NOMO1: variants seen among roughly 807,000 people sequenced by gnomAD.
The protein encoded by NOMO1 is NODAL modulator 1, also known as nodal modulator 3.
A neutral mutation model predicts 133.8 loss-of-function variants in NOMO1; 40 were observed. The ratio of observed to expected loss-of-function variants is 0.30; its 90% confidence interval spans 0.23 to 0.39. The LOEUF (loss-of-function observed/expected upper bound fraction) is 0.39, where lower values mean the gene tolerates loss of function less well. Among genes scored for constraint, NOMO1 ranks in the 10% least tolerant of loss-of-function variants. The pLI, the probability that NOMO1 is intolerant of heterozygous loss-of-function variation, is 1.00. For missense variants in NOMO1, 462 were observed against 1,419.9 expected, an observed-to-expected ratio of 0.33 and a Z score of 10.84; for synonymous variants, 236 against 570.5, an observed-to-expected ratio of 0.41 and a Z score of 8.36.
intron 27 of NOMO1, among the ~76,000 whole-genome samples, chr16:14,886,234 T>A (rs1028289680): frequency 5.3e-4 from 79 of 148,050 alleles, no homozygotes; most frequent in Non-Finnish European, 3.4e-4. Flanking sequence ...GTTTAACAGA[T>A]TGGTGGAGTT....
chr16:14,868,660 C>T (rs755408177), intron 16 of NOMO1, 25 bp downstream of exon 16: 7 of 1,479,968 alleles, frequency 4.7e-6, no homozygotes, highest in African/African-American at 1.5e-5. Flanking sequence ...ATTGATGTGC[C>T]ATGAATTAGA....
intron 29 of NOMO1, among the ~76,000 whole-genome samples, chr16:14,894,353 A>G (rs1964449235): frequency 6.6e-6 from 1 of 152,088 alleles, no homozygotes; most frequent in Non-Finnish European, 1.5e-5. Flanking sequence ...TGTGGCACTT[A>G]CCGCTTCTGT....
chr16:14,865,988 C>T (rs1963989111), intron 14 of NOMO1, among the ~76,000 whole-genome samples: 2 of 137,392 alleles, frequency 1.5e-5, no homozygotes, highest in Admixed American at 1.5e-4. Context: ...CCCTGAATAC[C>T]TTACTTGCAG....
rs1168817531 is a variant in NOMO1, at chr16:14,866,583, G to C, written c.1698G>C (p.Trp566Cys). 1 of 1,610,176 alleles carries C rather than the reference G, an allele frequency of 6.2e-7. No homozygotes were observed. Among genetic ancestry groups the C allele is most frequent in the Admixed American group, 1.7e-5 (1 of 59,944 alleles). ...GCATCATGCATGAGGATTGGTGCTGGAAGAACAAGAGCCTGGAGGTGGAAG... is the reference window on the plus strand; with the variant it reads ...GCATCATGCATGAGGATTGGTGCTGCAAGAACAAGAGCCTGGAGGTGGAAG... ...KISIMHEDWC[W>C]KNKSLEVEVL... is the part of the protein sequence containing the mutation. Residue 566 changes from tryptophan (W) to cysteine (C), a missense_variant, in exon 15 of 31, where the codon TGG becomes TGC. Physicochemically the swap from Trp to Cys is radical, Grantham distance 215. Transcript: ENST00000287667.
intron 6 of NOMO1, among the ~76,000 whole-genome samples, chr16:14,852,073 AG>A (rs1354270003): frequency 7.0e-6 from 1 of 142,174 alleles, no homozygotes; most frequent in Admixed American, 7.1e-5. Flanking sequence ...GGATCACCTG[AG>A]GTCAGGAGTT....
intron 9 of NOMO1, among the ~76,000 whole-genome samples, chr16:14,856,257 T>A (rs976933641): frequency 2.2e-4 from 33 of 151,906 alleles, no homozygotes; most frequent in African/African-American, 5.6e-4. Flanking sequence ...GGGTTAGCAG[T>A]GGTGACCTTG....
chr16:14,871,582 G>T, intron 16 of NOMO1, 39 bp from the exon 17 acceptor site: 1 of 1,611,104 alleles, frequency 6.2e-7, no homozygotes, highest in Non-Finnish European at 8.5e-7. Flanking sequence ...TGTAATAGAT[G>T]CCATTCTCTG....
intron 22 of NOMO1, among the ~76,000 whole-genome samples, chr16:14,878,383 C>A (rs986364475): frequency 8.1e-6 from 1 of 123,086 alleles, no homozygotes; most frequent in African/African-American, 3.2e-5. Context: ...AGTCCCATCT[C>A]CTCAGGAGGT....
intron 28 of NOMO1, among the ~76,000 whole-genome samples, chr16:14,887,892 G>C (rs2151011755): frequency 6.6e-6 from 1 of 151,002 alleles, no homozygotes; most frequent in East Asian, 2.0e-4. Context: ...CTCTGTCTTT[G>C]ATAATCTGAT....
chr16:14,884,523 T>C, intron 27 of NOMO1, 41 bp downstream of exon 27: 8 of 1,611,272 alleles, frequency 5.0e-6, no homozygotes, highest in Non-Finnish European at 6.8e-6. Context: ...GTGTTCCCTT[T>C]GGCTTTGAGA....
In NOMO1 at chr16:14,844,116, ACATGGCTGAGCT is replaced by A. The variant is rs1376998223; in HGVS notation, c.302-553_302-542del. Among the ~76,000 whole-genome samples the A allele has an allele frequency of 5.1e-4, 77 of 150,508 alleles. 2 individuals are homozygous for A. Among genetic ancestry groups the A allele is most frequent in the African/African-American group, 1.9e-3 (77 of 40,700 alleles). On this transcript the variant is annotated intron_variant, in intron 3 of 30. Transcript: ENST00000287667. ...CCCTGGAGTTTGTGTTCCTGGTTTA[ACATGGCTGAGCT>A]CATGTCCTTGGTCAGAGAACAGATC...
chr16:14,861,710 T>C (rs1963924592), intron 11 of NOMO1, among the ~76,000 whole-genome samples: 1 of 151,224 alleles, frequency 6.6e-6, no homozygotes, highest in African/African-American at 2.4e-5. Context: ...AGCCATACGG[T>C]CTCTAGGACA....
Position 14,846,621 on chromosome 16 carries a change from G to A in NOMO1, c.447G>A (p.Val149=). 7.5e-7 allele frequency: 1 copy of A among 1,341,580 alleles called. No individual in the cohort carries two copies. The highest frequency in any genetic ancestry group is 1.0e-6 in the Non-Finnish European group (1 of 964,384). 83.1% of individuals were successfully genotyped at this position (1,341,580 alleles called of 1,614,324 possible). ...GQPLGPAGVQ[V]SLRNTGTEAK... ...CCCTGGGTCCTGCGGGAGTTCAGGT[G>A]TCTCTGAGAAACACTGGGACCGAAG... Residue 149 remains valine (V), a synonymous_variant, in exon 5 of 31, where the codon GTG becomes GTA. Transcript: ENST00000287667.
Position 14,833,878 on chromosome 16 carries a change from G to C in NOMO1, c.27G>C (p.Pro9=). The C allele has an allele frequency of 1.2e-6, 1 of 866,342 alleles. No individual in the cohort carries two copies. The highest frequency in any genetic ancestry group is 1.5e-6 in the Non-Finnish European group (1 of 654,964). The allele number at this position is 866,342 out of a possible 1,614,324, so 53.7% of individuals were successfully genotyped here. Residue 9 remains proline (P), a synonymous_variant, in exon 1 of 31, where the codon CCG becomes CCC. Coordinates refer to ENST00000287667, the MANE Select transcript of NOMO1 (RefSeq NM_014287.4). ...TGCTGGTGGGCCAGGGCGCGGGGCCGCTGGGGCCCGCGGTGGTCACCGCCG... is the reference window on the plus strand; with the variant it reads ...TGCTGGTGGGCCAGGGCGCGGGGCCCCTGGGGCCCGCGGTGGTCACCGCCG... MLVGQGAG[P]LGPAVVTAAV...
rs765432778 is a variant in NOMO1 at position 14,878,785 on chromosome 16, G to T, written c.2708G>T (p.Arg903Leu). The T allele has an allele frequency of 2.5e-6, 4 of 1,611,814 alleles. No homozygotes were observed. Among genetic ancestry groups the T allele is most frequent in the African/African-American group, 2.7e-5 (2 of 74,844 alleles). The change falls in exon 23 of 31, where the codon CGT becomes CTT. Residue 903 changes from arginine to leucine, a missense_variant. Arg to Leu is a moderately radical substitution (Grantham distance 102). Coordinates refer to ENST00000287667, the MANE Select transcript of NOMO1 (RefSeq NM_014287.4). ...TTATCCCTGAGCGGTGGCCTGTTTC[G>T]TTCCAACCTCTTGACCCAGGACAAC... ...VLLSLSGGLF[R>L]SNLLTQDNGI...
chr16:14,880,539 G>A (rs1425420308), intron 24 of NOMO1, among the ~76,000 whole-genome samples: 3 of 151,228 alleles, frequency 2.0e-5, no homozygotes, highest in Non-Finnish European at 4.4e-5. Context: ...CTGCCACCAT[G>A]CATGGCTAAT....
rs748657867 is a variant in NOMO1 at position 14,894,989 on chromosome 16, T to C, written c.3445-9T>C. The C allele has an allele frequency of 3.5e-5, 57 of 1,611,682 alleles. No homozygotes were observed. In the South Asian group the frequency reaches 6.0e-4, roughly 17 times the overall value. On this transcript the variant is annotated splice_polypyrimidine_tract_variant and intron_variant, in intron 29 of 30. Coordinates refer to ENST00000287667, the MANE Select transcript of NOMO1 (RefSeq NM_014287.4). ...TGGTGAGGAGTGATGGGGCTCTCGG[T>C]GTTTGCAGAGGAAGCTGCCTGAACA... is the stretch of plus-strand genomic sequence containing the variant.
chr16:14,892,140 G>A (rs1347233080), intron 29 of NOMO1, among the ~76,000 whole-genome samples: 2 of 151,630 alleles, frequency 1.3e-5, no homozygotes, highest in African/African-American at 4.9e-5. Flanking sequence ...CCAGCTACTC[G>A]AGAGGCTGTG....
Position 14,846,594 on chromosome 16 carries a change from G to A in NOMO1, c.420G>A (p.Gln140=). Residue 140 remains glutamine, a synonymous_variant, in exon 5 of 31, where the codon CAG becomes CAA. Transcript: ENST00000287667. ...CATGGCAGGTCCTCAGCAAAGGGCA[G>A]CCCCTGGGTCCTGCGGGAGTTCAGG... ...SVNGKVLSKG[Q]PLGPAGVQVS... is the part of the protein sequence containing the mutation. 1.7e-6 allele frequency: 2 copies of A among 1,181,712 alleles called. No homozygotes were observed. The highest frequency in any genetic ancestry group is 2.4e-6 in the Non-Finnish European group (2 of 833,596). 73.2% of individuals were successfully genotyped at this position (1,181,712 alleles called of 1,614,324 possible).
Sources: gnomAD v4.1 joint callset for allele counts (sites outside exome capture counted in the v4.1 genomes callset) on GRCh38, gnomAD v4.1.1 for gene constraint, MANE v1.5 for transcripts, NCBI Gene and HGNC (gene_info 2026-07-23, HGNC 2026-07-21) for gene names.